Variants in ZBED6 observed in about 807,000 individuals in gnomAD.
ZBED6 encodes zinc finger BED-type containing 6, also known as zinc finger BED domain-containing protein 6.
In ZBED6, 40 loss-of-function variants were observed where a neutral mutation model predicts 58.4. The ratio of observed to expected loss-of-function variants is 0.68; its 90% CI spans 0.53 to 0.89. The LOEUF (loss-of-function observed/expected upper bound fraction) is 0.89, where lower values mean the gene tolerates loss of function less well. Ranked by LOEUF, ZBED6 falls within the 40% of genes least tolerant of loss-of-function variation. ZBED6 has a pLI of 0.00. For synonymous variants in ZBED6, 439 were observed against 350.6 expected, an observed-to-expected ratio of 1.25 and a Z score of -2.82; for missense variants, 1,057 against 1,003.9, an observed-to-expected ratio of 1.05 and a Z score of -0.71.
chr1:203,829,358 A>C (rs1043816289), intron 4 of ZBED6, 93 bp from the exon 5 acceptor site: 2 of 1,273,156 alleles, frequency 1.6e-6, no homozygotes, highest in Non-Finnish European at 2.3e-6. Flanking sequence ...TCATAAGACA[A>C]ATACACTATA....
intron 6 of ZBED6, 99 bp downstream of exon 6, chr1:203,829,995 A>G: frequency 1.5e-6 from 2 of 1,338,268 alleles, no homozygotes; most frequent in Non-Finnish European, 2.1e-6. Context: ...TTCCCATGCT[A>G]CACGCATACT....
chr1:203,802,070 G>A (rs1004677557), exon 1 of ZBED6: 3 of 152,578 alleles, frequency 2.0e-5, no homozygotes, highest in African/African-American at 7.2e-5. Flanking sequence ...AAAGCTTTCT[G>A]TGTTTTGACA....
chr1:203,834,129 C>A lies in ZBED6; in HGVS notation c.*3573+276C>A. 4 of 1,085,246 alleles carry A rather than the reference C, an allele frequency of 3.7e-6. 1 individual carries two copies. The South Asian group carries it at 1.7e-4, about 47-fold the overall frequency. The allele number at this position is 1,085,246 out of a possible 1,614,324, so 67.2% of individuals were successfully genotyped here. A position where few individuals can be genotyped will look rare whatever the true frequency, so the allele number is the denominator to read the frequency against. On this transcript the variant is annotated intron_variant, in intron 9 of 16. Transcript: ENST00000550078. Reference sequence around the variant, plus strand: ...TAAAGAACACCTCTATTTCTCTGAACAAATTTAAATGTGAGTTTTTAGAGG... The same window carrying A: ...TAAAGAACACCTCTATTTCTCTGAAAAAATTTAAATGTGAGTTTTTAGAGG...
intron 13 of ZBED6, among the ~76,000 whole-genome samples, chr1:203,849,154 G>A (rs1483049796): frequency 2.0e-5 from 3 of 152,088 alleles, no homozygotes; most frequent in African/African-American, 7.2e-5. Context: ...CAACGTGTTG[G>A]GATTACATGT....
At chr1:203,833,981 A>G in intron 9 of ZBED6, 128 bp downstream of exon 9, 2 of 1,385,262 alleles carry the variant, frequency 1.4e-6, no homozygotes, top group Non-Finnish European at 1.9e-6. Context: ...GCACTTATAA[A>G]TTCCTCATGT....
chr1:203,833,618 GTTTTT>G (rs553171669), intron 8 of ZBED6, among the ~76,000 whole-genome samples, 168 bp from the exon 9 acceptor site: 5 of 124,832 alleles, frequency 4.0e-5, no homozygotes, highest in African/African-American at 1.2e-4. Context: ...ATAGGTTTGG[GTTTTT>G]TTTTTTTTTT....
At chr1:203,804,974 G>C (rs1236246469) in intron 1 of ZBED6, among the ~76,000 whole-genome samples, 3 of 151,792 alleles carry the variant, frequency 2.0e-5, no homozygotes, top group Non-Finnish European at 4.4e-5. Flanking sequence ...TGCCCGGCCT[G>C]TCTCGTCTTT....
At chr1:203,805,522 A>G (rs577376490) in intron 1 of ZBED6, 309 of 501,372 alleles carry the variant, frequency 6.2e-4, no homozygotes, top group African/African-American at 5.7e-3. Context: ...CTTTCCTTCA[A>G]AGAAAGGACA....
At chr1:203,833,925 C>CT in intron 9 of ZBED6, 72 bp downstream of exon 9, 3 of 1,529,328 alleles carry the variant, frequency 2.0e-6, no homozygotes, top group Non-Finnish European at 1.8e-6. Context: ...TCTCCAAACT[C>CT]TTTTTATACA....
At chr1:203,800,339 A>G in exon 1 of ZBED6, 1 of 893,288 alleles carries the variant, frequency 1.1e-6, no homozygotes, top group Non-Finnish European at 1.8e-6. Flanking sequence ...ACAATATAGA[A>G]CAACTGATGT....
At chr1:203,806,201 C>T in intron 1 of ZBED6, 1 of 439,844 alleles carries the variant, frequency 2.3e-6, no homozygotes, top group Non-Finnish European at 4.4e-6. Context: ...TCCACCATGC[C>T]AATGCAGTCA....
Position 203,850,327 on chromosome 1 carries a change from A to G in ZBED6, c.*4639-188A>G, listed in dbSNP as rs1688968723. The G allele has an allele frequency of 5.0e-6, 4 of 802,084 alleles. No individual in the cohort carries two copies. The South Asian group carries it at 6.3e-5, about 13-fold the overall frequency. The allele number at this position is 802,084 out of a possible 1,614,324, so 49.7% of individuals were successfully genotyped here. A position where few individuals can be genotyped will look rare whatever the true frequency, so the allele number is the denominator to read the frequency against. ...AACAAATTTAAGTGGTATTGTATCT[A>G]CATGGTGACCACCTGTAGTGACCAC... On this transcript the variant is annotated intron_variant, in intron 14 of 16. Transcript: ENST00000550078.
In ZBED6 at chr1:203,827,681, C is replaced by CA. The variant is rs77923419; in HGVS notation, c.*2874-603dup. On this transcript the variant is annotated intron_variant, in intron 3 of 16. Transcript: ENST00000550078. ...TGGGTGACAGAGCAAGACTCTGTCT[C>CA]AAAAAAAAAAAAAAAGTAAGGTGAC... is the stretch of plus-strand genomic sequence containing the variant. 9.4e-3 allele frequency among the ~76,000 whole-genome samples: 812 copies of CA among 86,174 alleles called. 6 individuals are homozygous for CA. The highest frequency in any genetic ancestry group is 0.04 in the Middle Eastern group (4 of 100). 56.5% of individuals were successfully genotyped at this position (86,174 alleles called of 152,430 possible). A position where few individuals can be genotyped will look rare whatever the true frequency, so the allele number is the denominator to read the frequency against.
intron 1 of ZBED6, among the ~76,000 whole-genome samples, chr1:203,807,550 A>G (rs1672798613): frequency 6.6e-6 from 1 of 151,552 alleles, no homozygotes; most frequent in Admixed American, 6.6e-5. Flanking sequence ...TTTTAGAGAT[A>G]GAGTCTCGCT....
rs766728767 is a variant in ZBED6 at position 203,837,957 on chromosome 1, T to C, written c.*3574-9T>C. The C allele has an allele frequency of 6.2e-7, 1 of 1,604,368 alleles. No homozygotes were observed. Among genetic ancestry groups the C allele is most frequent in the Non-Finnish European group, 8.5e-7 (1 of 1,177,694 alleles). On this transcript the variant is annotated splice_polypyrimidine_tract_variant and intron_variant, in intron 9 of 16. Transcript: ENST00000550078. Reference sequence around the variant, plus strand: ...TTGAAATCTTAAACTAAGTTCTCCCTCTTTATAGGCGGTGACAGTGATCCT... The same window carrying C: ...TTGAAATCTTAAACTAAGTTCTCCCCCTTTATAGGCGGTGACAGTGATCCT...
At chr1:203,837,945 C>CTT (rs1558132811) in intron 9 of ZBED6, 21 bp from the exon 10 acceptor site, 4 of 1,598,658 alleles carry the variant, frequency 2.5e-6, no homozygotes, top group Non-Finnish European at 1.7e-6. Flanking sequence ...AAATCTTAAA[C>CTT]TAAGTTCTCC....
intron 1 of ZBED6, 24 bp from the exon 2 acceptor site, chr1:203,816,902 T>C: frequency 1.9e-6 from 1 of 522,274 alleles, no homozygotes; most frequent in Non-Finnish European, 3.4e-6. Flanking sequence ...TGAAATATTT[T>C]AATTCATTGT....
chr1:203,801,180 G>A (rs1670453635), exon 1 of ZBED6: 1 of 152,138 alleles, frequency 6.6e-6, no homozygotes, highest in Non-Finnish European at 1.5e-5. Flanking sequence ...AGACTAAAAT[G>A]TTTGCAAGAA....
intron 1 of ZBED6, among the ~76,000 whole-genome samples, chr1:203,810,332 A>G (rs1673945848): frequency 6.6e-6 from 1 of 151,586 alleles, no homozygotes; most frequent in Non-Finnish European, 1.5e-5. Flanking sequence ...AAGTTACAGA[A>G]GCTTAGTGTA....
Sources: allele counts gnomAD v4.1 joint callset (sites outside exome capture counted in the v4.1 genomes callset), GRCh38; gene constraint gnomAD v4.1.1; transcripts MANE v1.5; gene names NCBI Gene and HGNC (gene_info 2026-07-23, HGNC 2026-07-21).